LRP1B: variants seen among roughly 807,000 people sequenced by gnomAD.
LRP1B encodes the protein LDL receptor related protein 1B, also known as low-density lipoprotein receptor-related protein 1B.
In LRP1B, 217 loss-of-function variants were observed where a neutral mutation model predicts 556.6. The observed-to-expected ratio is 0.39, with a 90% CI of 0.35 to 0.44. The LOEUF is 0.44. Ranked by LOEUF, LRP1B falls within the 20% of genes least tolerant of loss-of-function variation. LRP1B has a pLI of 1.00. For synonymous variants in LRP1B, 2,047 were observed against 1,865.8 expected, an observed-to-expected ratio of 1.10 and a Z score of -2.50; for missense variants, 5,053 against 5,620.8, an observed-to-expected ratio of 0.90 and a Z score of 3.23.
intron 2 of LRP1B, among the ~76,000 whole-genome samples, chr2:141,558,182 T>C (rs1476583057): frequency 6.6e-6 from 1 of 151,822 alleles, no homozygotes; most frequent in Non-Finnish European, 1.5e-5. Flanking sequence ...GTCTTTAGAG[T>C]ACTTTTAAAG....
intron 31 of LRP1B, among the ~76,000 whole-genome samples, chr2:140,839,196 T>G (rs1692018274): frequency 6.6e-6 from 1 of 152,218 alleles, no homozygotes; most frequent in Non-Finnish European, 1.5e-5. Flanking sequence ...GATTGATTAA[T>G]TAAATTAAAT....
chr2:141,558,866 T>C (rs746322494), intron 2 of LRP1B, among the ~76,000 whole-genome samples: 4 of 151,764 alleles, frequency 2.6e-5, no homozygotes, highest in African/African-American at 4.8e-5. Flanking sequence ...AAAACAGCGC[T>C]ATGAATCTAT....
intron 1 of LRP1B, among the ~76,000 whole-genome samples, chr2:141,886,872 T>G (rs1188716065): frequency 6.6e-6 from 1 of 152,178 alleles, no homozygotes; most frequent in Non-Finnish European, 1.5e-5. Context: ...CTGTTTCTTG[T>G]ACAGAAGTTG....
chr2:140,754,344 C>A (rs1688675508), intron 35 of LRP1B, among the ~76,000 whole-genome samples: 1 of 152,126 alleles, frequency 6.6e-6, no homozygotes, highest in African/African-American at 2.4e-5. Context: ...GTCTCAAAAA[C>A]CATCCCTGCC....
intron 1 of LRP1B, among the ~76,000 whole-genome samples, chr2:141,931,044 A>T (rs1700488328): frequency 6.6e-6 from 1 of 152,022 alleles, no homozygotes; most frequent in Non-Finnish European, 1.5e-5. Flanking sequence ...CACATGAATA[A>T]ACATGTCTGC....
At position 140,371,191 on chromosome 2, in the gene LRP1B, A is replaced by G. The variant is rs1441639934; in HGVS notation, c.10863T>C (p.Asp3621=). ...CAATATATTTTACCTCATCTGAACC[A>G]TCAGCACAATCATATTCTCCATTAC... The part of the protein sequence containing the change: ...LKCNGEYDCA[D]GSDEMDCVTE... The change falls in exon 70 of 91, where the codon GAT becomes GAC. Residue 3621 remains aspartate (D), a synonymous_variant. Transcript: ENST00000389484. The G allele has an allele frequency of 6.3e-7, 1 of 1,586,268 alleles. No homozygotes were observed. Among genetic ancestry groups the G allele is most frequent in the Non-Finnish European group, 8.6e-7 (1 of 1,165,326 alleles).
At chr2:140,782,098 G>A (rs748632319) in intron 32 of LRP1B, among the ~76,000 whole-genome samples, 3 of 151,978 alleles carry the variant, frequency 2.0e-5, no homozygotes, top group Admixed American at 6.6e-5. Context: ...GAAGATGTTC[G>A]AATCTTCAGA....
At chr2:140,236,257 A>G (rs1680693299) in intron 89 of LRP1B, among the ~76,000 whole-genome samples, 1 of 150,948 alleles carries the variant, frequency 6.6e-6, no homozygotes, top group Admixed American at 6.6e-5. Flanking sequence ...TCCTATTCAG[A>G]TTCTTCAGGA....
chr2:141,104,503 T>C (rs542537672), intron 7 of LRP1B, among the ~76,000 whole-genome samples: 90 of 152,220 alleles, frequency 5.9e-4, no homozygotes, highest in African/African-American at 2.1e-3. Context: ...AATGACTTAA[T>C]GCCTGTTGAC....
intron 3 of LRP1B, among the ~76,000 whole-genome samples, chr2:141,478,505 T>G (rs540623930): frequency 1.4e-5 from 2 of 145,752 alleles, no homozygotes; most frequent in Admixed American, 7.1e-5. Context: ...TCTTTCCTTC[T>G]TTCCCTCCCT....
intron 32 of LRP1B, among the ~76,000 whole-genome samples, chr2:140,779,305 A>G (rs1481908605): frequency 6.6e-6 from 1 of 152,174 alleles, no homozygotes; most frequent in African/African-American, 2.4e-5. Flanking sequence ...ACTTCTCTTC[A>G]CCATTGCTAG....
At chr2:140,320,842 A>G (rs1573785250) in intron 82 of LRP1B, among the ~76,000 whole-genome samples, 1 of 152,094 alleles carries the variant, frequency 6.6e-6, no homozygotes, top group Non-Finnish European at 1.5e-5. Context: ...CAGGAGTTCG[A>G]GATCAGGCTG....
At chr2:141,108,765 T>C (rs139144237) in intron 7 of LRP1B, among the ~76,000 whole-genome samples, 99 of 152,328 alleles carry the variant, frequency 6.5e-4, no homozygotes, top group African/African-American at 2.2e-3. Flanking sequence ...AGTATGAAGA[T>C]AGATGTTTTG....
At chr2:140,906,903 G>C (rs1298638068) in intron 22 of LRP1B, among the ~76,000 whole-genome samples, 1 of 149,090 alleles carries the variant, frequency 6.7e-6, no homozygotes, top group Non-Finnish European at 1.5e-5. Context: ...AATGAAGACT[G>C]TTGCATTCAC....
chr2:140,762,932 A>G (rs1688976540), intron 35 of LRP1B, among the ~76,000 whole-genome samples: 1 of 152,108 alleles, frequency 6.6e-6, no homozygotes, highest in East Asian at 1.9e-4. Flanking sequence ...AGTTGAAGAT[A>G]CTAAAGGTAC....
chr2:140,982,108 G>T, intron 18 of LRP1B, 52 bp downstream of exon 18: 2 of 1,378,930 alleles, frequency 1.5e-6, no homozygotes, highest in Non-Finnish European at 1.0e-6. Flanking sequence ...TAGTGGTAGG[G>T]TATCCTATCT....
At chr2:141,121,939 A>T (rs1174361535) in intron 7 of LRP1B, among the ~76,000 whole-genome samples, 3 of 152,176 alleles carry the variant, frequency 2.0e-5, no homozygotes, top group Non-Finnish European at 1.5e-5. Flanking sequence ...GCCCTCAGAA[A>T]TAATACCACA....
intron 18 of LRP1B, among the ~76,000 whole-genome samples, chr2:140,977,118 C>T (rs1696624542): frequency 6.6e-6 from 1 of 152,080 alleles, no homozygotes; most frequent in South Asian, 2.1e-4. Flanking sequence ...TTGGCTCGTC[C>T]CCACCCAAGT....
intron 2 of LRP1B, among the ~76,000 whole-genome samples, chr2:141,613,055 T>C (rs1688165094): frequency 6.6e-6 from 1 of 151,976 alleles, no homozygotes. Flanking sequence ...GTGATCCACC[T>C]GCTCAGCCTC....
Sources: allele counts gnomAD v4.1 joint callset (sites outside exome capture counted in the v4.1 genomes callset), GRCh38; gene constraint gnomAD v4.1.1; transcripts MANE v1.5; gene names NCBI Gene and HGNC (gene_info 2026-07-23, HGNC 2026-07-21).